Variants in ENPP1 observed in about 807,000 individuals in gnomAD.
The protein encoded by ENPP1 is ectonucleotide pyrophosphatase/phosphodiesterase family member 1.
ENPP1 carries 73 observed loss-of-function variants against 122.8 expected under a neutral mutation model. The observed-to-expected ratio is 0.59, with a 90% CI of 0.49 to 0.72. ENPP1 has a LOEUF of 0.72. ENPP1 is among the 30% of genes least tolerant of loss of function. ENPP1 has a pLI of 0.00. For missense variants in ENPP1, 978 were observed against 1,128.1 expected (o/e 0.87, Z 1.91); for synonymous variants, 367 against 391.6 (o/e 0.94, Z 0.74).
In ENPP1 at chr6:131,876,884, G is replaced by C. The variant is rs532424600; in HGVS notation, c.1724-108G>C. On this transcript the variant is annotated intron_variant, in intron 17 of 24. Coordinates refer to ENST00000647893, the MANE Select transcript of ENPP1 (RefSeq NM_006208.3). ...TTTATACTTTTATTTTAGTTAAAGA[G>C]TAAATGACTCATGTATTTGGTTTTA... The C allele has an allele frequency of 8.4e-6, 8 of 957,882 alleles. No individual in the cohort carries two copies. The African/African-American group carries it at 9.7e-5, about 12-fold the overall frequency. The allele number at this position is 957,882 out of a possible 1,614,324, so 59.3% of individuals were successfully genotyped here. A position where few individuals can be genotyped will look rare whatever the true frequency, so the allele number is the denominator to read the frequency against.
intron 1 of ENPP1, chr6:131,825,899 A>T: frequency 3.1e-6 from 1 of 320,126 alleles, no homozygotes; most frequent in Non-Finnish European, 5.8e-6. Context: ...CATCTTTATT[A>T]ACTTAGAAAA....
intron 1 of ENPP1, among the ~76,000 whole-genome samples, chr6:131,823,904 G>T (rs1419782641): frequency 6.6e-6 from 1 of 151,362 alleles, no homozygotes; most frequent in South Asian, 2.1e-4. Flanking sequence ...GTACCTCACA[G>T]GTTTGTTTTG....
intron 1 of ENPP1, among the ~76,000 whole-genome samples, chr6:131,817,044 A>G (rs1228004298): frequency 6.6e-6 from 1 of 152,234 alleles, no homozygotes. Context: ...AAGAATCCTC[A>G]CTTTTTAACA....
chr6:131,890,521 T>TA lies in ENPP1; in HGVS notation c.*11dup, dbSNP rs1782455315. 6.2e-7 allele frequency: 1 copy of TA among 1,608,116 alleles called. No homozygotes were observed. The highest frequency in any genetic ancestry group is 2.2e-5 in the East Asian group (1 of 44,856). ...TAGCCAAGAAGACTGATATGTTTTT[T>TA]ATCCCCAAACACCATGAATCTTTTT... On this transcript the variant is annotated 3_prime_UTR_variant, in exon 25 of 25. Transcript: ENST00000647893.
At chr6:131,813,256 C>A (rs1781375894) in intron 1 of ENPP1, among the ~76,000 whole-genome samples, 1 of 151,920 alleles carries the variant, frequency 6.6e-6, no homozygotes, top group Non-Finnish European at 1.5e-5. Flanking sequence ...GTAATCCCAG[C>A]ACTTTGGGAG....
intron 1 of ENPP1, among the ~76,000 whole-genome samples, chr6:131,830,836 C>G (rs858334): frequency 0.16 from 24,870 of 151,796 alleles, 2,170 homozygotes; most frequent in Middle Eastern, 0.25. Context: ...TAGGGCCAGG[C>G]TGGGTGGCTC....
In ENPP1 at chr6:131,872,939, A is replaced by G. The variant is rs1782181395; in HGVS notation, c.1454A>G (p.Gln485Arg). The G allele has an allele frequency of 6.2e-7, 1 of 1,613,696 alleles. No homozygotes were observed. The highest frequency in any genetic ancestry group is 1.3e-5 in the African/African-American group (1 of 74,920). ...ARNLSCREPN[Q>R]HFKPYLKHFL... ...CAATTTCAGTGCCGGGAACCAAACC[A>G]GCACTTCAAACCTTACCTGAAACAT... Residue 485 changes from glutamine to arginine, a missense_variant, in exon 15 of 25, where the codon CAG (glutamine) becomes CGG (arginine). Transcript: ENST00000647893.
At chr6:131,813,808 G>A (rs939046166) in intron 1 of ENPP1, among the ~76,000 whole-genome samples, 11 of 152,186 alleles carry the variant, frequency 7.2e-5, no homozygotes, top group African/African-American at 2.6e-4. Context: ...GTTTCTCTGG[G>A]GTTTCCTTGG....
At chr6:131,811,388 C>CTATATCTATATCTATATCTATATCTA (rs1562506292) in intron 1 of ENPP1, among the ~76,000 whole-genome samples, 3 of 132,964 alleles carry the variant, frequency 2.3e-5, no homozygotes, top group African/African-American at 1.0e-4. Flanking sequence ...ATATCTATAT[C>CTATATCTATATCTATATCTATATCTA]TATATCTATA....
chr6:131,843,450 C>T (rs1055304878), intron 1 of ENPP1, among the ~76,000 whole-genome samples: 2 of 152,104 alleles, frequency 1.3e-5, no homozygotes, highest in African/African-American at 4.8e-5. Context: ...ATATATAAAC[C>T]ATGTGTATTT....
At chr6:131,836,361 G>A (rs1450526076) in intron 1 of ENPP1, among the ~76,000 whole-genome samples, 8 of 151,968 alleles carry the variant, frequency 5.3e-5, no homozygotes, top group African/African-American at 1.5e-4. Context: ...TGATCTGCCC[G>A]CCTCAGCCTC....
At chr6:131,871,829 G>A (rs140254155) in intron 13 of ENPP1, among the ~76,000 whole-genome samples, 29 of 152,226 alleles carry the variant, frequency 1.9e-4, no homozygotes, top group African/African-American at 6.3e-4. Flanking sequence ...ATAGGTAGAT[G>A]TTCTGTAACT....
chr6:131,877,981 A>G (rs143898866), intron 18 of ENPP1: 1,547 of 152,830 alleles, frequency 0.01, 21 homozygotes, highest in Middle Eastern at 0.074. Context: ...GTTGGGGTAT[A>G]TAGATGAGAA....
chr6:131,837,726 A>G (rs945336343), intron 1 of ENPP1, among the ~76,000 whole-genome samples: 6 of 152,096 alleles, frequency 3.9e-5, no homozygotes, highest in Admixed American at 2.0e-4. Flanking sequence ...AAATATTACT[A>G]TTCCCATAAT....
At chr6:131,816,918 G>T (rs536159208) in intron 1 of ENPP1, among the ~76,000 whole-genome samples, 1 of 152,198 alleles carries the variant, frequency 6.6e-6, no homozygotes. Context: ...CAGGGATTCA[G>T]TCAGGTTTCC....
chr6:131,818,285 TA>T lies in ENPP1; in HGVS notation c.240+10019del, dbSNP rs201477993. Among the ~76,000 whole-genome samples the T allele has an allele frequency of 1.3e-3, 189 of 150,258 alleles. 1 individual carries two copies. Among genetic ancestry groups the T allele is most frequent in the African/African-American group, 3.9e-3 (159 of 40,902 alleles). On this transcript the variant is annotated intron_variant, in intron 1 of 24. Coordinates refer to ENST00000647893, the MANE Select transcript of ENPP1 (RefSeq NM_006208.3). ...TGTACAAGTAGTCATGCACTTGCAATAAAAAAAAAGCCATTTCACTAAAAAG... is the reference window on the plus strand; with the variant it reads ...TGTACAAGTAGTCATGCACTTGCAATAAAAAAAAGCCATTTCACTAAAAAG...
In ENPP1 at chr6:131,890,514, T is replaced by C. The variant is rs915998864; in HGVS notation, c.*3T>C. On this transcript the variant is annotated 3_prime_UTR_variant, in exon 25 of 25. Transcript: ENST00000647893. Reference sequence around the variant, plus strand: ...CAACCTTTAGCCAAGAAGACTGATATGTTTTTTATCCCCAAACACCATGAA... The same window carrying C: ...CAACCTTTAGCCAAGAAGACTGATACGTTTTTTATCCCCAAACACCATGAA... The C allele has an allele frequency of 2.5e-6, 4 of 1,611,362 alleles. No homozygotes were observed. The highest frequency in any genetic ancestry group is 3.4e-6 in the Non-Finnish European group (4 of 1,177,554).
At position 131,886,610 on chromosome 6, in the gene ENPP1, CTTT is replaced by C; in HGVS notation, c.2494_2496del (p.Phe832del). 1 of 1,613,886 alleles carries C rather than the reference CTTT, an allele frequency of 6.2e-7. No individual in the cohort carries two copies. The highest frequency in any genetic ancestry group is 8.5e-7 in the Non-Finnish European group (1 of 1,179,802). ...AAGAAATTTTGATTCCAACTCACTT[CTTT>C]ATTGTGCTAACAAGCTGTAAAGATA... On this transcript the variant is annotated inframe_deletion, in exon 24 of 25. Transcript: ENST00000647893.
chr6:131,837,013 C>T (rs945122612), intron 1 of ENPP1, among the ~76,000 whole-genome samples: 2 of 150,564 alleles, frequency 1.3e-5, no homozygotes, highest in African/African-American at 4.9e-5. Flanking sequence ...TGGATCTGTG[C>T]AGAGGCAAAG....
Sources: allele counts gnomAD v4.1 joint callset (sites outside exome capture counted in the v4.1 genomes callset), GRCh38; gene constraint gnomAD v4.1.1; transcripts MANE v1.5; gene names NCBI Gene and HGNC (gene_info 2026-07-23, HGNC 2026-07-21).